Variants in PCNT observed in about 807,000 individuals in gnomAD.
PCNT encodes pericentrin, also known as kendrin.
In PCNT, 319 loss-of-function variants were observed where a neutral mutation model predicts 380.4. The observed-to-expected ratio is 0.84, with a 90% confidence interval of 0.77 to 0.92. PCNT has a LOEUF of 0.92. Among genes scored for constraint, PCNT ranks in the 40% least tolerant of loss-of-function variants. PCNT has a pLI of 0.00. For synonymous variants in PCNT, 1,845 were observed against 1,735.2 expected (o/e 1.06, Z -1.57); for missense variants, 4,400 against 4,255.3 (o/e 1.03, Z -0.95).
intron 15 of PCNT, among the ~76,000 whole-genome samples, chr21:46,373,822 C>T (rs528476971): frequency 7.3e-5 from 11 of 150,850 alleles, no homozygotes; most frequent in Admixed American, 2.6e-4. Flanking sequence ...CTCCGCCCCC[C>T]GGGTTCAAGC....
chr21:46,432,430 T>A (rs2087808942), intron 38 of PCNT, among the ~76,000 whole-genome samples: 1 of 152,226 alleles, frequency 6.6e-6, no homozygotes. Context: ...TCGTTCTTCC[T>A]CTTCAAGATA....
chr21:46,396,524 A>G (rs1255614802), intron 21 of PCNT, among the ~76,000 whole-genome samples: 1 of 152,224 alleles, frequency 6.6e-6, no homozygotes, highest in East Asian at 1.9e-4. Flanking sequence ...GGCCCTTCCA[A>G]TACCATCACT....
chr21:46,325,030 C>T (rs942984417), intron 1 of PCNT: 2 of 985,378 alleles, frequency 2.0e-6, no homozygotes, highest in East Asian at 1.1e-4. Flanking sequence ...CGGGCGCCTT[C>T]AAGGGACGCG....
chr21:46,391,358 G>A lies in PCNT; in HGVS notation c.4198G>A (p.Ala1400Thr), dbSNP rs377310462. 13 of 1,549,668 alleles carry A rather than the reference G, an allele frequency of 8.4e-6. No individual in the cohort carries two copies. Among genetic ancestry groups the A allele is most frequent in the Non-Finnish European group, 1.1e-5 (13 of 1,146,458 alleles). The change falls in exon 21 of 47, where the codon GCC (alanine) becomes ACC (threonine). Residue 1400 changes from alanine (A) to threonine (T), a missense_variant. Coordinates refer to ENST00000359568, the MANE Select transcript of PCNT (RefSeq NM_006031.6). ...WSRGEATATD[A>T]EAREAALRKE... The stretch of plus-strand genomic sequence containing the variant: ...TCGGGGGGAGGCCACAGCCACGGAC[G>A]CCGAGGCCAGAGAAGCTGGTAAGGA...
In PCNT at chr21:46,431,829, G is replaced by C. The variant is rs753073203; in HGVS notation, c.8365G>C (p.Ala2789Pro). 6.2e-7 allele frequency: 1 copy of C among 1,613,712 alleles called. No individual in the cohort carries two copies. Among genetic ancestry groups the C allele is most frequent in the African/African-American group, 1.3e-5 (1 of 74,942 alleles). The change falls in exon 38 of 47, where the codon GCT (alanine) becomes CCT (proline). Residue 2789 changes from alanine to proline, a missense_variant. Transcript: ENST00000359568. ...CVHQDTQAHHALLQKLKEEKS... is the reference protein window; with the variant it reads ...CVHQDTQAHHPLLQKLKEEKS... ...GCACCAGGACACACAGGCCCATCAC[G>C]CTCTGCTGCAGAAGCTGAAGGAGGA...
At chr21:46,423,884 C>A (rs182797660) in intron 32 of PCNT, among the ~76,000 whole-genome samples, 2 of 150,016 alleles carry the variant, frequency 1.3e-5, no homozygotes, top group African/African-American at 4.9e-5. Context: ...CCAGGGAGCA[C>A]CTCCAGCTTT....
At position 46,366,941 on chromosome 21, in the gene PCNT, C is replaced by T; in HGVS notation, c.2967C>T (p.Ala989=). 1 of 1,614,252 alleles carries T rather than the reference C, an allele frequency of 6.2e-7. No individual in the cohort carries two copies. The highest frequency in any genetic ancestry group is 8.5e-7 in the Non-Finnish European group (1 of 1,180,046). ...CCATCCGTGAGGAGCACAGGCAGGC[C>T]CTAGAGCTCTTACGAGCAGACTTTG... ...FQTIREEHRQ[A]LELLRADFEE... The change falls in exon 15 of 47, where the codon GCC becomes GCT. Residue 989 remains alanine, a synonymous_variant. Coordinates refer to ENST00000359568, the MANE Select transcript of PCNT (RefSeq NM_006031.6).
intron 32 of PCNT, among the ~76,000 whole-genome samples, chr21:46,423,103 C>A (rs1308630045): frequency 6.6e-6 from 1 of 151,886 alleles, no homozygotes; most frequent in Non-Finnish European, 1.5e-5. Flanking sequence ...GTCAGTTAAA[C>A]CTCTTTTTTT....
intron 36 of PCNT, 112 bp downstream of exon 36, chr21:46,430,344 A>AG: frequency 2.2e-6 from 3 of 1,378,054 alleles, no homozygotes; most frequent in Non-Finnish European, 3.0e-6. Context: ...GGGCAGCCCC[A>AG]GGGGCACCGC....
At chr21:46,409,093 G>A (rs1022725551) in intron 27 of PCNT, among the ~76,000 whole-genome samples, 2 of 151,306 alleles carry the variant, frequency 1.3e-5, no homozygotes, top group Admixed American at 6.6e-5. Flanking sequence ...TCTTTTGAAC[G>A]CTTTTTTTTG....
chr21:46,353,417 A>C, intron 10 of PCNT, 91 bp downstream of exon 10: 1 of 1,051,536 alleles, frequency 9.5e-7, no homozygotes, highest in Non-Finnish European at 1.5e-6. Flanking sequence ...ATTTCATGCT[A>C]GTAGGCACCA....
rs185679175 is a variant in PCNT at position 46,382,667 on chromosome 21, C to T, written c.3312+827C>T. On this transcript the variant is annotated intron_variant, in intron 16 of 46. Coordinates refer to ENST00000359568, the MANE Select transcript of PCNT (RefSeq NM_006031.6). Reference sequence around the variant, plus strand: ...GCGTTCAGTGGCGGAAGCGCATTCACGGTGTGCGTTCAGTGGCGGAAGCGC... The same window carrying T: ...GCGTTCAGTGGCGGAAGCGCATTCATGGTGTGCGTTCAGTGGCGGAAGCGC... 4.1e-3 allele frequency among the ~76,000 whole-genome samples: 416 copies of T among 102,178 alleles called. 51 individuals carry two copies. Among genetic ancestry groups the T allele is most frequent in the Admixed American group, 0.038 (328 of 8,602 alleles). The allele number at this position is 102,178 out of a possible 152,430, so 67.0% of individuals were successfully genotyped here.
intron 31 of PCNT, among the ~76,000 whole-genome samples, chr21:46,421,623 C>T (rs1330828629): frequency 2.0e-5 from 3 of 152,340 alleles, no homozygotes; most frequent in Non-Finnish European, 2.9e-5. Flanking sequence ...CCGCACGTCC[C>T]GCTGCTCTTG....
chr21:46,379,043 C>A (rs1036628146), intron 15 of PCNT, among the ~76,000 whole-genome samples: 1 of 152,158 alleles, frequency 6.6e-6, no homozygotes, highest in Non-Finnish European at 1.5e-5. Flanking sequence ...TGTTTCAGCC[C>A]GAAGGACTTC....
chr21:46,388,283 C>G lies in PCNT; in HGVS notation c.3465-459C>G, dbSNP rs913321955. Among the ~76,000 whole-genome samples the G allele has an allele frequency of 1.4e-4, 22 of 152,060 alleles. No individual in the cohort carries two copies. The highest frequency in any genetic ancestry group is 4.8e-4 in the African/African-American group (20 of 41,474). On this transcript the variant is annotated intron_variant, in intron 17 of 46. Coordinates refer to ENST00000359568, the MANE Select transcript of PCNT (RefSeq NM_006031.6). The surrounding 1 kb of genome is among the most constrained non-coding windows in gnomAD (Gnocchi z 4.2). ...TAGCGAGAGGCTGGGAGACACCATC[C>G]TCTTCCTGCCACACAACTCCTGTGA...
chr21:46,430,346 G>T, intron 36 of PCNT, 114 bp downstream of exon 36: 1 of 1,379,054 alleles, frequency 7.3e-7, no homozygotes, highest in Non-Finnish European at 1.0e-6. Context: ...GCAGCCCCAG[G>T]GGCACCGCGC....
chr21:46,444,077 G>A (rs551958669), intron 45 of PCNT, 129 bp downstream of exon 45: 16 of 977,240 alleles, frequency 1.6e-5, no homozygotes, highest in Middle Eastern at 3.3e-4. Context: ...ACTCTCCAGC[G>A]TGAGTCCGTG....
At position 46,430,267 on chromosome 21, in the gene PCNT, G is replaced by T. The variant is rs767731135; in HGVS notation, c.7913+35G>T. 4.4e-6 allele frequency: 7 copies of T among 1,575,394 alleles called. No individual in the cohort carries two copies. The African/African-American group carries it at 9.4e-5, about 21-fold the overall frequency. On this transcript the variant is annotated intron_variant, in intron 36 of 46. Transcript: ENST00000359568. ...ATCCCCCTTCCTGGGACACTGGCGG[G>T]AGTCCCCCCGTTGTGCCATGTTTTC...
At chr21:46,363,989 G>T (rs2084811399) in intron 14 of PCNT, 55 bp downstream of exon 14, 1 of 1,522,904 alleles carries the variant, frequency 6.6e-7, no homozygotes, top group African/African-American at 1.4e-5. Flanking sequence ...ACCTTGGAGG[G>T]TAGAAGGTGG....
Sources: allele counts gnomAD v4.1 joint callset (sites outside exome capture counted in the v4.1 genomes callset), GRCh38; gene constraint gnomAD v4.1.1; non-coding constraint Gnocchi (gnomAD v3.1); transcripts MANE v1.5; gene names NCBI Gene and HGNC (gene_info 2026-07-23, HGNC 2026-07-21).